Variants in GSN observed in about 807,000 individuals in gnomAD.
The protein encoded by GSN is actin-depolymerizing factor.
A neutral mutation model predicts 85.7 loss-of-function variants in GSN; 56 were observed. The observed-to-expected ratio is 0.65, with a 90% CI of 0.53 to 0.82. The LOEUF is 0.82. GSN is among the 40% of genes least tolerant of loss of function. The pLI is 0.00. For missense variants in GSN, 857 were observed against 979.8 expected (o/e 0.87, Z 1.67); for synonymous variants, 373 against 399.1 (o/e 0.93, Z 0.78).
chr9:121,243,451 G>A (rs140081288), intron 5 of GSN, among the ~76,000 whole-genome samples: 1 of 152,286 alleles, frequency 6.6e-6, no homozygotes, highest in African/African-American at 2.4e-5. Flanking sequence ...TTAGGATCTG[G>A]TTATCTGTAG....
Position 121,229,951 on chromosome 9 carries a change from T to C in GSN, c.-527-1214T>C, listed in dbSNP as rs538779730. 1.3e-3 allele frequency among the ~76,000 whole-genome samples: 193 copies of C among 152,356 alleles called. 1 individual carries two copies. Among genetic ancestry groups the C allele is most frequent in the African/African-American group, 4.4e-3 (183 of 41,588 alleles). ...AGAATATCACTATATACTCATGGAT[T>C]CTTTTTTTATACACTCATGGACTGT... On this transcript the variant is annotated intron_variant, in intron 4 of 24. Coordinates refer to the GSN transcript ENST00000373823.
At chr9:121,238,989 C>G (rs1032704843) in intron 5 of GSN, 1 of 521,940 alleles carries the variant, frequency 1.9e-6, no homozygotes, top group African/African-American at 1.9e-5. Flanking sequence ...GTGGGTAAAT[C>G]TCTCTCTTGT....
intron 12 of GSN, 115 bp downstream of exon 12, chr9:121,324,759 A>T (rs909960986): frequency 1.7e-6 from 1 of 600,982 alleles, no homozygotes; most frequent in African/African-American, 1.8e-5. Context: ...CTGTCCATCC[A>T]TCCATCCATC....
intron 4 of GSN, among the ~76,000 whole-genome samples, chr9:121,230,771 T>G (rs548011537): frequency 1.1e-4 from 16 of 152,358 alleles, no homozygotes; most frequent in African/African-American, 3.6e-4. Context: ...TTACCATCAG[T>G]GCCGTTGCTA....
chr9:121,213,495 C>T (rs1415560439), intron 4 of GSN, among the ~76,000 whole-genome samples: 1 of 152,262 alleles, frequency 6.6e-6, no homozygotes, highest in African/African-American at 2.4e-5. Flanking sequence ...GGTTTGGCAG[C>T]ATTGTTTCCT....
At chr9:121,289,270 C>A (rs1364867697) in intron 2 of GSN, among the ~76,000 whole-genome samples, 1 of 152,086 alleles carries the variant, frequency 6.6e-6, no homozygotes, top group Non-Finnish European at 1.5e-5. Flanking sequence ...CCCCCGCCAT[C>A]CCATCAGCTC....
At chr9:121,294,125 C>A (rs2058979287) in intron 2 of GSN, among the ~76,000 whole-genome samples, 1 of 152,204 alleles carries the variant, frequency 6.6e-6, no homozygotes, top group Non-Finnish European at 1.5e-5. Flanking sequence ...TGTGGCTTCT[C>A]CTGCTCATTC....
intron 4 of GSN, among the ~76,000 whole-genome samples, chr9:121,306,055 A>G (rs1455292963): frequency 6.6e-6 from 1 of 152,146 alleles, no homozygotes; most frequent in Non-Finnish European, 1.5e-5. Context: ...GCCCTGCAAG[A>G]GAGTTCAGAA....
intron 1 of GSN, among the ~76,000 whole-genome samples, chr9:121,208,282 C>T (rs1250273211): frequency 6.6e-6 from 1 of 152,132 alleles, no homozygotes; most frequent in East Asian, 1.9e-4. Context: ...TTCACTGATT[C>T]CCTCATCCAT....
intron 4 of GSN, among the ~76,000 whole-genome samples, chr9:121,214,804 A>G (rs2054030164): frequency 6.6e-6 from 1 of 152,162 alleles, no homozygotes; most frequent in African/African-American, 2.4e-5. Flanking sequence ...TATGCCTTAG[A>G]TGGATGAGCG....
At chr9:121,297,980 A>C (rs963034314) in intron 2 of GSN, 1 of 151,910 alleles carries the variant, frequency 6.6e-6, no homozygotes, top group Non-Finnish European at 1.5e-5. Context: ...TTATAATATC[A>C]TCCTCCAAAT....
chr9:121,211,386 C>G (rs1187788468), intron 4 of GSN, among the ~76,000 whole-genome samples: 1 of 152,102 alleles, frequency 6.6e-6, no homozygotes, highest in Admixed American at 6.5e-5. Flanking sequence ...ACAAACAAAG[C>G]TGAAAAAACC....
intron 1 of GSN, 170 bp from the exon 2 acceptor site, chr9:121,281,300 A>G (rs1486262533): frequency 3.5e-6 from 1 of 281,810 alleles, no homozygotes; most frequent in Non-Finnish European, 7.0e-6. Context: ...CTCCAGCAGC[A>G]GGTCTTGCAG....
intron 4 of GSN, chr9:121,222,109 C>T (rs1368894892): frequency 6.6e-6 from 1 of 151,906 alleles, no homozygotes; most frequent in African/African-American, 2.4e-5. Context: ...TTTTAAGTTG[C>T]TATAAAACAG....
chr9:121,305,772 G>T (rs1052850391), intron 4 of GSN, among the ~76,000 whole-genome samples: 1 of 152,212 alleles, frequency 6.6e-6, no homozygotes, highest in South Asian at 2.1e-4. Flanking sequence ...GAGGCCCAGG[G>T]CTGGTCTTGT....
In GSN at chr9:121,327,435, G is replaced by A. The variant is rs753221509; in HGVS notation, c.1715G>A (p.Arg572Lys). ...AEKTGAQELL[R>K]VLRAQPVQVA... Reference sequence around the variant, plus strand: ...AAGACGGGGGCCCAGGAGCTGCTCAGGGTGCTGCGGGCCCAACCTGTGCAG... The same window carrying A: ...AAGACGGGGGCCCAGGAGCTGCTCAAGGTGCTGCGGGCCCAACCTGTGCAG... The change falls in exon 14 of 18, where the codon AGG becomes AAG. Residue 572 changes from arginine to lysine, a missense_variant. Coordinates refer to ENST00000432226, the MANE Select transcript of GSN (RefSeq NM_198252.3). 6.2e-6 allele frequency: 10 copies of A among 1,602,622 alleles called. No individual in the cohort carries two copies. The South Asian group carries it at 7.8e-5, about 13-fold the overall frequency.
chr9:121,206,843 A>G (rs866574476), upstream of GSN, among the ~76,000 whole-genome samples: 2 of 152,188 alleles, frequency 1.3e-5, no homozygotes, highest in Middle Eastern at 3.4e-3. Context: ...TCCACCTCCC[A>G]GGCGCAGGCC....
chr9:121,330,831 A>G (rs2063805693), intron 16 of GSN, among the ~76,000 whole-genome samples: 2 of 152,106 alleles, frequency 1.3e-5, no homozygotes, highest in African/African-American at 2.4e-5. Context: ...CTCGGTGCAT[A>G]TTTGTTGGAT....
intron 7 of GSN, among the ~76,000 whole-genome samples, chr9:121,314,715 C>G (rs963730339): frequency 1.3e-5 from 2 of 152,260 alleles, no homozygotes; most frequent in South Asian, 2.1e-4. Context: ...TGCAATTTCA[C>G]TGGTTTAAAA....
Sources: allele counts gnomAD v4.1 joint callset (sites outside exome capture counted in the v4.1 genomes callset), GRCh38; gene constraint gnomAD v4.1.1; transcripts MANE v1.5; gene names NCBI Gene and HGNC (gene_info 2026-07-23, HGNC 2026-07-21).